SCN2A: variants seen among roughly 807,000 people sequenced by gnomAD.
SCN2A encodes the protein sodium voltage-gated channel alpha subunit 2.
SCN2A carries 20 observed loss-of-function variants against 188.7 expected under a neutral mutation model. That is an observed-to-expected ratio of 0.11 (90% CI 0.07 to 0.15). The LOEUF is 0.15. Among genes scored for constraint, SCN2A ranks in the 10% least tolerant of loss-of-function variants. The probability of loss-of-function intolerance (pLI) is 1.00; values close to 1 mark genes in which losing one functional copy is unlikely to be tolerated. For missense variants in SCN2A, 1,278 were observed against 2,445.0 expected, an observed-to-expected ratio of 0.52 and a Z score of 10.07; for synonymous variants, 804 against 833.1, an observed-to-expected ratio of 0.97 and a Z score of 0.60.
chr2:165,315,534 T>C lies in SCN2A; in HGVS notation c.1447T>C (p.Phe483Leu), dbSNP rs1697695011. ...CAGTGGTGCTGGTGGGATAGGAGTT[T>C]TTTCAGAGAGTTCTTCAGTAGCATC... ...DFSGAGGIGVFSESSSVASKL... is the reference protein window; with the variant it reads ...DFSGAGGIGVLSESSSVASKL... The change falls in exon 11 of 27, where the codon TTT (phenylalanine) becomes CTT (leucine). Residue 483 changes from phenylalanine (F) to leucine (L), a missense_variant. Around this residue, in one of 17 missense-constraint regions of SCN2A, gnomAD observed 315 missense variants for 386.6 expected, o/e 0.81. Transcript: ENST00000375437. 1 of 1,613,980 alleles carries C rather than the reference T, an allele frequency of 6.2e-7. No homozygotes were observed. Among genetic ancestry groups the C allele is most frequent in the African/African-American group, 1.3e-5 (1 of 74,992 alleles).
rs771772014 is a variant in SCN2A, at chr2:165,365,189, G to C, written c.3446G>C (p.Gly1149Ala). 64 of 1,613,692 alleles carry C rather than the reference G, an allele frequency of 4.0e-5. No individual in the cohort carries two copies. Among genetic ancestry groups the C allele is most frequent in the Non-Finnish European group, 5.3e-5 (63 of 1,179,842 alleles). Residue 1149 changes from glycine (G) to alanine (A), a missense_variant, in exon 18 of 27, where the codon GGA becomes GCA. Physicochemically the swap from Gly to Ala is moderately conservative, Grantham distance 60. Transcript: ENST00000375437. The part of the protein sequence containing the change: ...SSSEGSTVDI[G>A]APAEGEQPEV... ...TCTGAAGGCAGCACGGTTGATATTG[G>C]AGCTCCCGCCGAGGGAGAACAGCCT...
rs1225687118 is a variant in SCN2A, at chr2:165,373,245, T to A, written c.3870T>A (p.Thr1290=). ...LIVDVSLVSL[T]ANALGYSELG... ...TATAGGTCTCACTGGTTAGCTTAAC[T>A]GCAAATGCCTTGGGTTACTCAGAAC... The change falls in exon 21 of 27, where the codon ACT becomes ACA. Residue 1290 remains threonine, a synonymous_variant. Transcript: ENST00000375437. 1.2e-6 allele frequency: 2 copies of A among 1,613,350 alleles called. No homozygotes were observed. Among genetic ancestry groups the A allele is most frequent in the African/African-American group, 2.7e-5 (2 of 74,896 alleles).
At chr2:165,385,914 A>G (rs1405225230) in intron 25 of SCN2A, among the ~76,000 whole-genome samples, 1 of 152,166 alleles carries the variant, frequency 6.6e-6, no homozygotes, top group Non-Finnish European at 1.5e-5. Flanking sequence ...TACATGACAA[A>G]TATTTACTAA....
At chr2:165,302,109 A>G (rs1696846921) in intron 3 of SCN2A, among the ~76,000 whole-genome samples, 1 of 152,198 alleles carries the variant, frequency 6.6e-6, no homozygotes, top group African/African-American at 2.4e-5. Flanking sequence ...AATAGTGTCC[A>G]TACTGAGATA....
rs756499019 is a variant in SCN2A at position 165,389,041 on chromosome 2, C to T, written c.5235C>T (p.Asp1745=). Residue 1745 remains aspartate, a synonymous_variant, in exon 27 of 27, where the codon GAC becomes GAT. Coordinates refer to ENST00000375437, the MANE Select transcript of SCN2A (RefSeq NM_001040142.2). This position sits in a 1 kb window ranked among gnomAD's most constrained non-coding sequence, Gnocchi z 4.2. The part of the protein sequence containing the change: ...KDHPGSSVKG[D]CGNPSVGIFF... ...ACCCTGGAAGCTCAGTTAAAGGAGA[C>T]TGTGGGAACCCATCTGTTGGGATTT... The T allele has an allele frequency of 1.2e-6, 2 of 1,614,100 alleles. No homozygotes were observed. Among genetic ancestry groups the T allele is most frequent in the Middle Eastern group, 1.7e-4 (1 of 6,060 alleles).
chr2:165,329,809 A>G (rs543059663), intron 13 of SCN2A, among the ~76,000 whole-genome samples: 1 of 152,286 alleles, frequency 6.6e-6, no homozygotes, highest in African/African-American at 2.4e-5. Context: ...TATTTACAAA[A>G]TAACTAGTGC....
At chr2:165,260,970 C>CAA (rs760304392) in intron 1 of SCN2A, among the ~76,000 whole-genome samples, 5,695 of 90,274 alleles carry the variant, frequency 0.063, 294 homozygotes, top group Middle Eastern at 0.2. Flanking sequence ...AACTCCGTCT[C>CAA]AAAAAAAAAA....
At chr2:165,384,854 A>G (rs1701788846) in intron 25 of SCN2A, among the ~76,000 whole-genome samples, 1 of 152,174 alleles carries the variant, frequency 6.6e-6, no homozygotes, top group Non-Finnish European at 1.5e-5. Context: ...TAAACTATGT[A>G]AAATGATACA....
At chr2:165,327,175 G>C (rs1404464611) in intron 13 of SCN2A, 191 bp downstream of exon 13, 1 of 630,014 alleles carries the variant, frequency 1.6e-6, no homozygotes, top group African/African-American at 1.9e-5. Context: ...TTTATATTTA[G>C]CCTCCAGAAA....
intron 1 of SCN2A, among the ~76,000 whole-genome samples, chr2:165,249,588 G>T (rs1459240803): frequency 7.2e-5 from 11 of 151,974 alleles, no homozygotes; most frequent in Non-Finnish European, 4.4e-5. Context: ...GCTCAATTCA[G>T]TTGGGAAAAT....
chr2:165,327,247 A>G (rs1200960788), intron 13 of SCN2A: 3 of 431,716 alleles, frequency 6.9e-6, no homozygotes, highest in African/African-American at 6.1e-5. Flanking sequence ...CTAAACATTG[A>G]AACTTGTGTG....
chr2:165,342,163 A>G (rs1376364718), intron 14 of SCN2A, 133 bp from the exon 15 acceptor site: 1 of 717,200 alleles, frequency 1.4e-6, no homozygotes, highest in Non-Finnish European at 2.4e-6. Context: ...TGTAGATACT[A>G]AGTTGTTGGA....
chr2:165,315,397 G>T (rs1175864545), intron 10 of SCN2A, 74 bp from the exon 11 acceptor site: 2 of 1,595,282 alleles, frequency 1.3e-6, no homozygotes, highest in African/African-American at 2.7e-5. Flanking sequence ...TGATATTGAA[G>T]CTCAATTAAG....
chr2:165,274,998 T>C (rs1695273780), intron 1 of SCN2A, among the ~76,000 whole-genome samples: 1 of 152,218 alleles, frequency 6.6e-6, no homozygotes, highest in Admixed American at 6.5e-5. Flanking sequence ...CAGGTGTCAC[T>C]GGTGAAACTG....
intron 1 of SCN2A, among the ~76,000 whole-genome samples, chr2:165,287,016 A>G (rs1695868173): frequency 6.6e-6 from 1 of 152,150 alleles, no homozygotes; most frequent in Non-Finnish European, 1.5e-5. Flanking sequence ...GCCTCGTTGG[A>G]GGAAAGAATT....
intron 17 of SCN2A, among the ~76,000 whole-genome samples, chr2:165,357,123 A>T (rs1298252346): frequency 1.3e-5 from 2 of 152,176 alleles, no homozygotes; most frequent in African/African-American, 4.8e-5. Context: ...TAAAATAATA[A>T]ATGATGAGGG....
intron 1 of SCN2A, among the ~76,000 whole-genome samples, chr2:165,243,048 A>G (rs905496418): frequency 6.6e-6 from 1 of 152,232 alleles, no homozygotes; most frequent in Non-Finnish European, 1.5e-5. Flanking sequence ...AGTCACATTA[A>G]TTCTTGAATT....
At chr2:165,282,222 G>A (rs527239269) in intron 1 of SCN2A, among the ~76,000 whole-genome samples, 1 of 152,274 alleles carries the variant, frequency 6.6e-6, no homozygotes, top group African/African-American at 2.4e-5. Flanking sequence ...TCTAATCCAG[G>A]CATGTCAGGT....
chr2:165,260,238 C>T (rs1407130063), intron 1 of SCN2A, among the ~76,000 whole-genome samples: 1 of 152,068 alleles, frequency 6.6e-6, no homozygotes, highest in Non-Finnish European at 1.5e-5. Context: ...CCACTGCGCC[C>T]GGCCAAAATG....
Sources: gnomAD v4.1 joint callset for allele counts (sites outside exome capture counted in the v4.1 genomes callset) on GRCh38, gnomAD v4.1.1 for gene constraint, gnomAD v4.1.1 regional missense constraint, Gnocchi (gnomAD v3.1) non-coding constraint, MANE v1.5 for transcripts, NCBI Gene and HGNC (gene_info 2026-07-23, HGNC 2026-07-21) for gene names.